The following KLHL2 variants were observed in gnomAD, a reference collection of about 807,000 sequenced individuals.
The protein encoded by KLHL2 is kelch like family member 2.
In KLHL2, 15 loss-of-function variants were observed where a neutral mutation model predicts 75.8. The observed-to-expected ratio is 0.20, with a 90% CI of 0.13 to 0.30. The LOEUF is 0.30. KLHL2 is among the 10% of genes least tolerant of loss of function. KLHL2 has a pLI of 1.00. For synonymous variants in KLHL2, 214 were observed against 251.9 expected (o/e 0.85, Z 1.42); for missense variants, 381 against 741.0 (o/e 0.51, Z 5.64).
At chr4:165,215,723 AT>A (rs544528888) in intron 1 of KLHL2, among the ~76,000 whole-genome samples, 14 of 150,690 alleles carry the variant, frequency 9.3e-5, no homozygotes, top group South Asian at 4.2e-4. Flanking sequence ...GAATGGTTGC[AT>A]TTTTTTTTTC....
At chr4:165,271,989 C>T (rs573125510) in intron 5 of KLHL2, among the ~76,000 whole-genome samples, 3 of 152,260 alleles carry the variant, frequency 2.0e-5, no homozygotes, top group Non-Finnish European at 2.9e-5. Flanking sequence ...TCTGCCTGCA[C>T]AGAGCATTGG....
intron 5 of KLHL2, among the ~76,000 whole-genome samples, chr4:165,284,447 C>G (rs1020164637): frequency 6.6e-6 from 1 of 152,178 alleles, no homozygotes; most frequent in East Asian, 1.9e-4. Context: ...CCGCCAGTCT[C>G]TTTGCTAAAA....
At chr4:165,260,349 C>A (rs879032966) in intron 4 of KLHL2, among the ~76,000 whole-genome samples, 2 of 151,776 alleles carry the variant, frequency 1.3e-5, no homozygotes, top group Non-Finnish European at 2.9e-5. Context: ...TCACTGTCAT[C>A]AAAAAAAATT....
At chr4:165,296,231 G>C (rs1744898863) in intron 6 of KLHL2, among the ~76,000 whole-genome samples, 1 of 152,106 alleles carries the variant, frequency 6.6e-6, no homozygotes, top group African/African-American at 2.4e-5. Flanking sequence ...GTCCAAGGTG[G>C]CTCCTCCACC....
Position 165,321,251 on chromosome 4 carries a change from T to G in KLHL2, c.1754-781T>G, listed in dbSNP as rs1746956114. 3 of 455,730 alleles carry G rather than the reference T, an allele frequency of 6.6e-6. No individual in the cohort carries two copies. In the Admixed American group the frequency reaches 7.1e-5, roughly 11 times the overall value. 28.2% of individuals were successfully genotyped at this position (455,730 alleles called of 1,614,324 possible). The stretch of plus-strand genomic sequence containing the variant: ...CCTTCCCTTCCACCTCCTCCACCTC[T>G]TCTGCCTCTGCCACCCCTGAAACAA... On this transcript the variant is annotated intron_variant, in intron 14 of 14. Transcript: ENST00000226725.
intron 5 of KLHL2, among the ~76,000 whole-genome samples, chr4:165,285,815 G>A (rs957831471): frequency 6.6e-6 from 1 of 152,062 alleles, no homozygotes; most frequent in Non-Finnish European, 1.5e-5. Context: ...AAATGACTGT[G>A]ACTAAGACTT....
intron 8 of KLHL2, among the ~76,000 whole-genome samples, chr4:165,303,604 C>G (rs1745509490): frequency 6.6e-6 from 1 of 151,758 alleles, no homozygotes; most frequent in African/African-American, 2.4e-5. Context: ...GCTCTTTCGC[C>G]CAGGCTGGAG....
chr4:165,299,039 G>T (rs767901478), intron 7 of KLHL2, among the ~76,000 whole-genome samples: 3 of 150,124 alleles, frequency 2.0e-5, no homozygotes, highest in Non-Finnish European at 4.4e-5. Flanking sequence ...TTATGGGTAC[G>T]TTGCTTTAAG....
chr4:165,234,272 A>T (rs1739146669), intron 3 of KLHL2, among the ~76,000 whole-genome samples: 1 of 152,214 alleles, frequency 6.6e-6, no homozygotes, highest in Admixed American at 6.5e-5. Context: ...CTAAGAACAA[A>T]AAGGTGGTAG....
chr4:165,322,237 C>A lies in KLHL2; in HGVS notation c.*177C>A. ...CTGAAGATTATTTTTGGTAGAAGCA[C>A]CGTGTAGGCTTTTTCTGCAATGAGC... On this transcript the variant is annotated 3_prime_UTR_variant, in exon 15 of 15. Coordinates refer to ENST00000226725, the MANE Select transcript of KLHL2 (RefSeq NM_007246.4). The A allele has an allele frequency of 1.6e-6, 1 of 611,382 alleles. No homozygotes were observed. Among genetic ancestry groups the A allele is most frequent in the Non-Finnish European group, 2.9e-6 (1 of 347,858 alleles). 37.9% of individuals were successfully genotyped at this position (611,382 alleles called of 1,614,324 possible).
At chr4:165,269,631 G>C (rs187495731) in intron 5 of KLHL2, among the ~76,000 whole-genome samples, 1 of 150,142 alleles carries the variant, frequency 6.7e-6, no homozygotes, top group African/African-American at 2.4e-5. Flanking sequence ...TAAGAATGTC[G>C]AATATTGGCT....
chr4:165,250,039 G>A (rs1740571391), intron 4 of KLHL2, among the ~76,000 whole-genome samples: 1 of 151,940 alleles, frequency 6.6e-6, no homozygotes, highest in African/African-American at 2.4e-5. Context: ...CAGGAGAATG[G>A]TGTGAACCCA....
At chr4:165,279,877 A>T (rs1743526876) in intron 5 of KLHL2, among the ~76,000 whole-genome samples, 1 of 151,982 alleles carries the variant, frequency 6.6e-6, no homozygotes, top group Non-Finnish European at 1.5e-5. Flanking sequence ...TTCCCTGCGT[A>T]TTTTGTTTCT....
chr4:165,262,733 C>T (rs1741792649), intron 4 of KLHL2, among the ~76,000 whole-genome samples: 2 of 152,002 alleles, frequency 1.3e-5, no homozygotes, highest in Admixed American at 1.3e-4. Flanking sequence ...TGCGTGCCAC[C>T]ACACCAGGCT....
chr4:165,234,955 C>T (rs565948907), intron 3 of KLHL2, among the ~76,000 whole-genome samples: 5 of 151,816 alleles, frequency 3.3e-5, no homozygotes, highest in Non-Finnish European at 5.9e-5. Context: ...GCTGTGATTA[C>T]GCAATTGCAC....
chr4:165,311,413 C>A, intron 10 of KLHL2, 51 bp from the exon 11 acceptor site: 3 of 1,300,898 alleles, frequency 2.3e-6, no homozygotes, highest in Non-Finnish European at 3.3e-6. Context: ...TATATATGAA[C>A]TATTGACATT....
chr4:165,294,522 T>C (rs1420176397), intron 6 of KLHL2, 54 bp downstream of exon 6: 11 of 927,462 alleles, frequency 1.2e-5, no homozygotes, highest in Non-Finnish European at 1.8e-5. Flanking sequence ...TTTTTTTTTT[T>C]TAATTTCACT....
intron 4 of KLHL2, among the ~76,000 whole-genome samples, chr4:165,242,240 T>G (rs1049667376): frequency 3.3e-5 from 5 of 152,200 alleles, no homozygotes; most frequent in Admixed American, 2.0e-4. Context: ...AAGCAAACTT[T>G]ATGAACTGCA....
chr4:165,315,883 A>G (rs1471647755), intron 13 of KLHL2, among the ~76,000 whole-genome samples: 1 of 152,234 alleles, frequency 6.6e-6, no homozygotes, highest in African/African-American at 2.4e-5. Context: ...CCAGATTTCA[A>G]AAGTTTTCAT....
Sources: allele counts gnomAD v4.1 joint callset (sites outside exome capture counted in the v4.1 genomes callset), GRCh38; gene constraint gnomAD v4.1.1; transcripts MANE v1.5; gene names NCBI Gene and HGNC (gene_info 2026-07-23, HGNC 2026-07-21).